The following PTPRB variants were observed in gnomAD, a reference collection of about 807,000 sequenced individuals.
PTPRB encodes the protein protein tyrosine phosphatase receptor type B.
Under a neutral mutation model 238.1 loss-of-function variants are expected in PTPRB, and 97 were observed. The ratio of observed to expected loss-of-function variants is 0.41; its 90% CI spans 0.35 to 0.48. The LOEUF (loss-of-function observed/expected upper bound fraction) is 0.48, where lower values mean the gene tolerates loss of function less well. PTPRB is among the 20% of genes least tolerant of loss of function. The pLI, the probability that PTPRB is intolerant of heterozygous loss-of-function variation, is 0.30. For missense variants in PTPRB, 2,292 were observed against 2,681.9 expected (o/e 0.85, Z 3.21); for synonymous variants, 970 against 995.4 (o/e 0.97, Z 0.48).
At chr12:70,550,899 TTC>T (rs1331675967) in intron 21 of PTPRB, among the ~76,000 whole-genome samples, 58 of 151,934 alleles carry the variant, frequency 3.8e-4, no homozygotes, top group Admixed American at 3.0e-3. Flanking sequence ...CTTTTTTTTT[TTC>T]TTTTTTATTT....
At chr12:70,622,249 T>C in intron 3 of PTPRB, 141 bp downstream of exon 3, 1 of 1,257,628 alleles carries the variant, frequency 8.0e-7, no homozygotes. Context: ...TGCTTTCCTG[T>C]ACAATTAGCA....
intron 2 of PTPRB, 49 bp from the exon 3 acceptor site, chr12:70,622,695 A>G (rs747555871): frequency 1.3e-6 from 2 of 1,490,134 alleles, no homozygotes; most frequent in Non-Finnish European, 9.0e-7. Flanking sequence ...TGTTTTATGA[A>G]TTCTTCACAT....
chr12:70,526,198 TAATTA>T (rs1872413653), intron 32 of PTPRB, among the ~76,000 whole-genome samples: 1 of 152,142 alleles, frequency 6.6e-6, no homozygotes, highest in African/African-American at 2.4e-5. Context: ...ACATTTAATT[TAATTA>T]ATTTATTTAT....
intron 4 of PTPRB, among the ~76,000 whole-genome samples, chr12:70,602,060 G>T (rs1883556052): frequency 6.6e-6 from 1 of 152,132 alleles, no homozygotes; most frequent in Admixed American, 6.5e-5. Context: ...CTCCCAAAGT[G>T]CTGGGATTAC....
chr12:70,555,717 T>G (rs900468769), intron 19 of PTPRB, among the ~76,000 whole-genome samples, 153 bp downstream of exon 19: 1 of 152,136 alleles, frequency 6.6e-6, no homozygotes, highest in Non-Finnish European at 1.5e-5. Flanking sequence ...TCTGGAGACT[T>G]TTAGGTCCTC....
chr12:70,552,314 T>C (rs1164641199), intron 21 of PTPRB, among the ~76,000 whole-genome samples: 2 of 151,934 alleles, frequency 1.3e-5, no homozygotes, highest in African/African-American at 2.4e-5. Flanking sequence ...TGAAACCCCA[T>C]CTCTACTAAA....
intron 14 of PTPRB, among the ~76,000 whole-genome samples, chr12:70,568,797 C>A (rs1879652710): frequency 6.6e-6 from 1 of 152,206 alleles, no homozygotes; most frequent in Non-Finnish European, 1.5e-5. Flanking sequence ...TGGGGCCAGA[C>A]AGACCTAGAC....
chr12:70,547,453 C>T (rs1162186337), intron 21 of PTPRB, among the ~76,000 whole-genome samples: 1 of 151,836 alleles, frequency 6.6e-6, no homozygotes, highest in African/African-American at 2.4e-5. Context: ...TTCAGTGTCT[C>T]TCTGATAAGA....
chr12:70,528,009 AAATGCCATTAAAATGCAATT>A (rs1237642696), intron 32 of PTPRB, among the ~76,000 whole-genome samples: 4 of 152,226 alleles, frequency 2.6e-5, no homozygotes, highest in East Asian at 1.9e-4. Flanking sequence ...TAATGCATTT[AAATGCCATTAAAATGCAATT>A]AATGCCATTA....
chr12:70,616,760 C>T (rs1181690631), intron 3 of PTPRB, among the ~76,000 whole-genome samples: 2 of 152,078 alleles, frequency 1.3e-5, no homozygotes, highest in African/African-American at 2.4e-5. Flanking sequence ...AACTCGTCTG[C>T]CCAGGGAGAC....
At chr12:70,536,399 C>CTT (rs547277356) in intron 28 of PTPRB, among the ~76,000 whole-genome samples, 156 of 152,260 alleles carry the variant, frequency 1.0e-3, no homozygotes, top group African/African-American at 3.4e-3. Context: ...AAATGGGGGA[C>CTT]TTAGGCAATG....
chr12:70,609,815 T>A, intron 3 of PTPRB: 1 of 1,582,816 alleles, frequency 6.3e-7, no homozygotes, highest in Non-Finnish European at 8.6e-7. Flanking sequence ...GGCTCAGCAT[T>A]GCGCTCAGTA....
rs1881361343 is a variant in PTPRB at position 70,581,259 on chromosome 12, C to A, written c.2355G>T (p.Met785Ile). The A allele has an allele frequency of 2.5e-6, 4 of 1,613,774 alleles. No homozygotes were observed. Among genetic ancestry groups the A allele is most frequent in the East Asian group, 4.5e-5 (2 of 44,882 alleles). The change falls in exon 10 of 34, where the codon ATG becomes ATT. Residue 785 changes from methionine (M) to isoleucine (I), a missense_variant. Physicochemically the swap from Met to Ile is conservative, Grantham distance 10 (BLOSUM62 1). Around this residue, in one of 4 missense-constraint regions of PTPRB, gnomAD observed 1,205 missense variants for 1,287.8 expected, o/e 0.94. Transcript: ENST00000334414. ...TCCAGTTAGTAAACAGACTACTGGT[C>A]ATTCCTTGGTTGGCCACATGCAAGT... ...VTDLHVANQG[M>I]TSSLFTNWTQ...
rs984466047 is a variant in PTPRB at position 70,516,619 on chromosome 12, G to T, written c.*4870C>A. 3 of 152,196 alleles carry T rather than the reference G, an allele frequency of 2.0e-5. No homozygotes were observed. Among genetic ancestry groups the T allele is most frequent in the Admixed American group, 6.5e-5 (1 of 15,274 alleles). The allele number at this position is 152,196 out of a possible 1,614,324, so 9.4% of individuals were successfully genotyped here. A position where few individuals can be genotyped will look rare whatever the true frequency, so the allele number is the denominator to read the frequency against. On this transcript the variant is annotated 3_prime_UTR_variant, in exon 34 of 34. Transcript: ENST00000334414. Reference sequence around the variant, plus strand: ...CGCACACAGCTATTAGAACATCTCAGCATAACTGAACGTTTGTTCTTGGGG... The same window carrying T: ...CGCACACAGCTATTAGAACATCTCATCATAACTGAACGTTTGTTCTTGGGG...
At chr12:70,583,544 G>A (rs1161131946) in intron 9 of PTPRB, among the ~76,000 whole-genome samples, 4 of 152,084 alleles carry the variant, frequency 2.6e-5, no homozygotes, top group Admixed American at 2.6e-4. Flanking sequence ...AGCTGACCTT[G>A]CATAACATTG....
chr12:70,525,925 T>C (rs1353915934), intron 32 of PTPRB, among the ~76,000 whole-genome samples: 1 of 150,182 alleles, frequency 6.7e-6, no homozygotes, highest in Non-Finnish European at 1.5e-5. Flanking sequence ...TTAAAGGATA[T>C]AGATTGATGT....
At chr12:70,521,546 C>A in intron 33 of PTPRB, 35 bp from the exon 34 acceptor site, 2 of 1,507,374 alleles carry the variant, frequency 1.3e-6, no homozygotes, top group Admixed American at 2.4e-5. Context: ...GAGACTGCCG[C>A]AGGGTGTGTC....
chr12:70,555,738 G>T, intron 19 of PTPRB, 132 bp downstream of exon 19: 1 of 1,153,304 alleles, frequency 8.7e-7, no homozygotes, highest in Non-Finnish European at 1.2e-6. Flanking sequence ...CTCTCCAGGT[G>T]GCAATCAGAC....
At chr12:70,523,264 C>G (rs552233588) in intron 33 of PTPRB, among the ~76,000 whole-genome samples, 153 of 152,258 alleles carry the variant, frequency 1.0e-3, no homozygotes, top group African/African-American at 3.3e-3. Context: ...AAGTGATTCT[C>G]CTGCCTCAGC....
Sources: gnomAD v4.1 joint callset for allele counts (sites outside exome capture counted in the v4.1 genomes callset) on GRCh38, gnomAD v4.1.1 for gene constraint, gnomAD v4.1.1 regional missense constraint, MANE v1.5 for transcripts, NCBI Gene and HGNC (gene_info 2026-07-23, HGNC 2026-07-21) for gene names.